B3GALT1: variants seen among roughly 807,000 people sequenced by gnomAD.
B3GALT1 encodes beta-1,3-galactosyltransferase 1, also known as UDP-Gal:betaGlcNAc beta 1,3-galactosyltransferase, polypeptide 1.
In B3GALT1, 10 loss-of-function variants were observed where a neutral mutation model predicts 23.2. That is an observed-to-expected ratio of 0.43 (90% confidence interval 0.27 to 0.73). B3GALT1 has a LOEUF of 0.73. B3GALT1 is among the 30% of genes least tolerant of loss of function. The probability of loss-of-function intolerance (pLI) is 0.21; values close to 1 mark genes in which losing one functional copy is unlikely to be tolerated. For missense variants in B3GALT1, 299 were observed against 405.4 expected (o/e 0.74, Z 2.25); for synonymous variants, 156 against 141.5 (o/e 1.10, Z -0.73).
intron 3 of B3GALT1, among the ~76,000 whole-genome samples, chr2:167,773,452 A>T (rs932880700): frequency 3.3e-5 from 5 of 152,216 alleles, no homozygotes; most frequent in African/African-American, 1.2e-4. Context: ...AAAGAGCTGC[A>T]TAAAAGATTC....
At chr2:167,301,460 A>G (rs1307745693) in intron 1 of B3GALT1, among the ~76,000 whole-genome samples, 2 of 152,174 alleles carry the variant, frequency 1.3e-5, no homozygotes, top group East Asian at 1.9e-4. Flanking sequence ...TGACTTTACT[A>G]GCTTTGGTTT....
At position 167,871,456 on chromosome 2, in the gene B3GALT1, A is replaced by C. The variant is rs1182493735; in HGVS notation, c.*1436A>C. On this transcript the variant is annotated 3_prime_UTR_variant, in exon 5 of 5. Coordinates refer to ENST00000392690, the MANE Select transcript of B3GALT1 (RefSeq NM_020981.4). Reference sequence around the variant, plus strand: ...AAGATCAGCTGTGAACTATCACTGCACCTAATTCTACCAAGGCTTGACTTT... The same window carrying C: ...AAGATCAGCTGTGAACTATCACTGCCCCTAATTCTACCAAGGCTTGACTTT... 2 of 152,212 alleles carry C rather than the reference A, an allele frequency of 1.3e-5. No individual in the cohort carries two copies. Among genetic ancestry groups the C allele is most frequent in the Non-Finnish European group, 1.5e-5 (1 of 68,028 alleles). 9.4% of individuals were successfully genotyped at this position (152,212 alleles called of 1,614,324 possible).
intron 1 of B3GALT1, among the ~76,000 whole-genome samples, chr2:167,358,893 C>T (rs1697458379): frequency 6.6e-6 from 1 of 152,102 alleles, no homozygotes; most frequent in Non-Finnish European, 1.5e-5. Flanking sequence ...ACCTCTGCCT[C>T]CTGGGTTCAA....
intron 2 of B3GALT1, among the ~76,000 whole-genome samples, chr2:167,588,371 A>G: frequency 6.6e-6 from 1 of 152,350 alleles, no homozygotes; most frequent in South Asian, 2.1e-4. Flanking sequence ...TAGATTCCAC[A>G]TTTGCATAAT....
Position 167,326,851 on chromosome 2 carries a change from G to A in B3GALT1, c.-511+33517G>A, listed in dbSNP as rs577336406. On this transcript the variant is annotated intron_variant, in intron 1 of 4. Transcript: ENST00000392690. ...ATTACAGACATTCACCACAACACCC[G>A]GCTAATTTTTCTTTTATTAGTAGAG... is the stretch of plus-strand genomic sequence containing the variant. Among the ~76,000 whole-genome samples, 26 of 151,902 alleles carry A rather than the reference G, an allele frequency of 1.7e-4. 1 individual carries two copies. The highest frequency in any genetic ancestry group is 2.8e-4 in the Non-Finnish European group (19 of 67,954).
At chr2:167,862,038 T>C (rs1284110400) in intron 4 of B3GALT1, among the ~76,000 whole-genome samples, 1 of 152,188 alleles carries the variant, frequency 6.6e-6, no homozygotes, top group African/African-American at 2.4e-5. Context: ...GCTCAAATGA[T>C]TGCCAAGCCA....
At chr2:167,562,513 A>G (rs1486682563) in intron 2 of B3GALT1, among the ~76,000 whole-genome samples, 1 of 152,132 alleles carries the variant, frequency 6.6e-6, no homozygotes, top group Non-Finnish European at 1.5e-5. Context: ...GAGGAAGTCA[A>G]ATTGTCCCTG....
At chr2:167,465,672 A>G (rs1394303182) in intron 1 of B3GALT1, among the ~76,000 whole-genome samples, 1 of 152,244 alleles carries the variant, frequency 6.6e-6, no homozygotes, top group Non-Finnish European at 1.5e-5. Context: ...TTTTGAGGCG[A>G]TACATTTAGA....
At chr2:167,785,688 C>T (rs1424994071) in intron 3 of B3GALT1, among the ~76,000 whole-genome samples, 1 of 152,220 alleles carries the variant, frequency 6.6e-6, no homozygotes, top group East Asian at 1.9e-4. Context: ...AAATGTCATG[C>T]TTCACTGAGC....
At position 167,338,662 on chromosome 2, in the gene B3GALT1, A is replaced by G. The variant is rs138675878; in HGVS notation, c.-511+45328A>G. Among the ~76,000 whole-genome samples, 47 of 152,282 alleles carry G rather than the reference A, an allele frequency of 3.1e-4. No homozygotes were observed. In the East Asian group the frequency reaches 8.5e-3, roughly 27 times the overall value. ...CCCAAAATGTATAAAGCAAGCATTT[A>G]TGACTCCTAGAAGAAAATTGAGAGA... is the stretch of plus-strand genomic sequence containing the variant. On this transcript the variant is annotated intron_variant, in intron 1 of 4. Coordinates refer to ENST00000392690, the MANE Select transcript of B3GALT1 (RefSeq NM_020981.4).
chr2:167,867,120 G>T (rs1398260180), intron 4 of B3GALT1, among the ~76,000 whole-genome samples: 2 of 152,182 alleles, frequency 1.3e-5, no homozygotes, highest in Admixed American at 6.5e-5. Flanking sequence ...TAGAGACGGG[G>T]TTTCACCGTT....
chr2:167,821,222 A>C (rs1689098781), intron 4 of B3GALT1, among the ~76,000 whole-genome samples: 1 of 152,112 alleles, frequency 6.6e-6, no homozygotes, highest in Non-Finnish European at 1.5e-5. Context: ...ATCAATTTCT[A>C]ATATTCTGGC....
intron 2 of B3GALT1, among the ~76,000 whole-genome samples, chr2:167,573,402 C>T (rs576711080): frequency 3.3e-5 from 5 of 151,760 alleles, no homozygotes; most frequent in African/African-American, 1.2e-4. Context: ...GATTAATTGC[C>T]ACTCATAATT....
chr2:167,680,082 T>C (rs539618320), intron 3 of B3GALT1, among the ~76,000 whole-genome samples: 2 of 152,376 alleles, frequency 1.3e-5, no homozygotes, highest in South Asian at 4.1e-4. Context: ...CAGCCTGGCA[T>C]TTTCTAAATG....
chr2:167,756,512 C>A (rs1388135183), intron 3 of B3GALT1, among the ~76,000 whole-genome samples: 1 of 152,170 alleles, frequency 6.6e-6, no homozygotes, highest in Non-Finnish European at 1.5e-5. Context: ...ACGATCAATA[C>A]TGTTCTATTA....
intron 1 of B3GALT1, among the ~76,000 whole-genome samples, chr2:167,407,545 A>T (rs536247372): frequency 4.0e-4 from 44 of 109,450 alleles, no homozygotes; most frequent in African/African-American, 1.2e-3. Context: ...GAACAAAAAA[A>T]AGTTGTTTTA....
intron 3 of B3GALT1, among the ~76,000 whole-genome samples, chr2:167,676,715 C>G (rs958363281): frequency 6.6e-6 from 1 of 152,100 alleles, no homozygotes; most frequent in African/African-American, 2.4e-5. Flanking sequence ...GCGCCCACCA[C>G]CAGTAGAGAC....
At chr2:167,701,294 C>G (rs1238994537) in intron 3 of B3GALT1, among the ~76,000 whole-genome samples, 1 of 151,898 alleles carries the variant, frequency 6.6e-6, no homozygotes, top group East Asian at 1.9e-4. Context: ...GGCGTGACCA[C>G]CAGATATGGT....
chr2:167,789,131 T>C (rs1167179254), intron 3 of B3GALT1, among the ~76,000 whole-genome samples: 1 of 152,234 alleles, frequency 6.6e-6, no homozygotes, highest in Non-Finnish European at 1.5e-5. Flanking sequence ...ACATAACTTA[T>C]TTAATTCTTA....
Sources: gnomAD v4.1 joint callset for allele counts (sites outside exome capture counted in the v4.1 genomes callset) on GRCh38, gnomAD v4.1.1 for gene constraint, MANE v1.5 for transcripts, NCBI Gene and HGNC (gene_info 2026-07-23, HGNC 2026-07-21) for gene names.